GUCY1A1: variants seen among roughly 807,000 people sequenced by gnomAD.
The protein encoded by GUCY1A1 is guanylate cyclase soluble subunit alpha-1.
A neutral mutation model predicts 64.5 loss-of-function variants in GUCY1A1; 48 were observed. That is an observed-to-expected ratio of 0.74 (90% CI 0.59 to 0.95). The LOEUF is 0.95. Among genes scored for constraint, GUCY1A1 ranks in the 40% least tolerant of loss-of-function variants. The pLI is 0.00. For synonymous variants in GUCY1A1, 308 were observed against 303.4 expected, an observed-to-expected ratio of 1.02 and a Z score of -0.16; for missense variants, 804 against 825.3, an observed-to-expected ratio of 0.97 and a Z score of 0.32.
intron 8 of GUCY1A1, among the ~76,000 whole-genome samples, chr4:155,721,077 A>G (rs942977384): frequency 1.9e-4 from 29 of 152,114 alleles, no homozygotes; most frequent in African/African-American, 6.8e-4. Context: ...TCAGCTGGGC[A>G]ACATAGCAAG....
At position 155,736,809 on chromosome 4, in the gene GUCY1A1, A is replaced by T. The variant is rs761630473; in HGVS notation, c.*6578A>T. On this transcript the variant is annotated 3_prime_UTR_variant, in exon 10 of 10. Coordinates refer to ENST00000506455, the MANE Select transcript of GUCY1A1 (RefSeq NM_001130682.3). Reference sequence around the variant, plus strand: ...TTTTTTTTGTTATGTTTAGTAACTAATTTCATTTTTTCTGTATATGTAAAT... The same window carrying T: ...TTTTTTTTGTTATGTTTAGTAACTATTTTCATTTTTTCTGTATATGTAAAT... The T allele has an allele frequency of 2.5e-4, 38 of 151,834 alleles. No homozygotes were observed. The highest frequency in any genetic ancestry group is 4.9e-4 in the Non-Finnish European group (33 of 67,902). 9.4% of individuals were successfully genotyped at this position (151,834 alleles called of 1,614,324 possible).
intron 9 of GUCY1A1, among the ~76,000 whole-genome samples, chr4:155,727,766 A>AT (rs1272630984): frequency 2.0e-5 from 3 of 151,126 alleles, no homozygotes; most frequent in African/African-American, 7.3e-5. Context: ...TTTCTGTTTT[A>AT]TAAAAAAATA....
chr4:155,700,624 G>A (rs72972415), intron 3 of GUCY1A1, among the ~76,000 whole-genome samples: 1 of 152,072 alleles, frequency 6.6e-6, no homozygotes, highest in Non-Finnish European at 1.5e-5. Flanking sequence ...TAATTGTTTA[G>A]TCAAGAGAAA....
chr4:155,733,945 G>T lies in GUCY1A1; in HGVS notation c.*3714G>T, dbSNP rs1579152569. On this transcript the variant is annotated 3_prime_UTR_variant, in exon 10 of 10. Coordinates refer to ENST00000506455, the MANE Select transcript of GUCY1A1 (RefSeq NM_001130682.3). ...ATTTTACCATAAGTATGAGCATAAA[G>T]CTGGGATGTCTGGCATTGGAATTTT... is the stretch of plus-strand genomic sequence containing the variant. 6.6e-6 allele frequency among the ~76,000 whole-genome samples: 1 copy of T among 151,968 alleles called. No homozygotes were observed. The highest frequency in any genetic ancestry group is 1.9e-4 in the East Asian group (1 of 5,134).
At chr4:155,717,039 G>T in intron 7 of GUCY1A1, 120 bp from the exon 8 acceptor site, 1 of 680,368 alleles carries the variant, frequency 1.5e-6, no homozygotes. Context: ...GATTAACCCT[G>T]ATCCTCCAGA....
intron 2 of GUCY1A1, among the ~76,000 whole-genome samples, chr4:155,683,667 AAG>A (rs985084576): frequency 2.0e-5 from 3 of 152,228 alleles, no homozygotes; most frequent in African/African-American, 7.2e-5. Context: ...AATTATGAAA[AAG>A]AGTCTGGGGC....
At position 155,735,801 on chromosome 4, in the gene GUCY1A1, A is replaced by G. The variant is rs1334390976; in HGVS notation, c.*5570A>G. 2.6e-5 allele frequency: 4 copies of G among 151,944 alleles called. No homozygotes were observed. The highest frequency in any genetic ancestry group is 4.4e-5 in the Non-Finnish European group (3 of 67,942). 9.4% of individuals were successfully genotyped at this position (151,944 alleles called of 1,614,324 possible). ...TGGACAGCCCAATGTGTTAAGTATT[A>G]TACACCTGGAACAAGAGCAGCAAAA... On this transcript the variant is annotated 3_prime_UTR_variant, in exon 10 of 10. Coordinates refer to ENST00000506455, the MANE Select transcript of GUCY1A1 (RefSeq NM_001130682.3).
At chr4:155,716,176 T>A (rs917050646) in intron 7 of GUCY1A1, among the ~76,000 whole-genome samples, 5 of 152,038 alleles carry the variant, frequency 3.3e-5, no homozygotes, top group African/African-American at 1.2e-4. Context: ...AAGTCAGAGA[T>A]TAGGAGAAAG....
chr4:155,718,097 T>G (rs932207125), intron 8 of GUCY1A1, among the ~76,000 whole-genome samples: 1 of 152,148 alleles, frequency 6.6e-6, no homozygotes, highest in Non-Finnish European at 1.5e-5. Context: ...AAAGTTAACA[T>G]GGTAGGCATT....
intron 2 of GUCY1A1, among the ~76,000 whole-genome samples, chr4:155,687,308 A>T (rs1371948351): frequency 6.6e-6 from 1 of 152,212 alleles, no homozygotes; most frequent in African/African-American, 2.4e-5. Context: ...GCTCTAGTAG[A>T]AGAAGCATCA....
chr4:155,689,778 C>T (rs1332356858), intron 2 of GUCY1A1, among the ~76,000 whole-genome samples: 1 of 152,106 alleles, frequency 6.6e-6, no homozygotes, highest in Admixed American at 6.6e-5. Flanking sequence ...AAGGCGGTTG[C>T]CACCCGGCGA....
At chr4:155,679,429 G>A (rs1735404590) in intron 2 of GUCY1A1, among the ~76,000 whole-genome samples, 1 of 152,236 alleles carries the variant, frequency 6.6e-6, no homozygotes, top group South Asian at 2.1e-4. Context: ...CTTCTAGTGA[G>A]AGCATGAGGC....
intron 9 of GUCY1A1, 166 bp downstream of exon 9, chr4:155,722,358 T>C (rs1033723112): frequency 7.5e-5 from 107 of 1,419,786 alleles, no homozygotes; most frequent in Middle Eastern, 2.6e-4. Flanking sequence ...TTTACACTGC[T>C]TATTAGCCTC....
intron 9 of GUCY1A1, 178 bp downstream of exon 9, chr4:155,722,370 T>C (rs1294329893): frequency 2.8e-6 from 4 of 1,410,102 alleles, no homozygotes; most frequent in African/African-American, 2.9e-5. Context: ...ATTAGCCTCC[T>C]AAGAATGACT....
intron 2 of GUCY1A1, among the ~76,000 whole-genome samples, chr4:155,690,645 G>C (rs897333460): frequency 6.6e-6 from 1 of 152,054 alleles, no homozygotes; most frequent in Non-Finnish European, 1.5e-5. Context: ...TAGAACATTG[G>C]CTCCCAAGCA....
chr4:155,707,422 G>A (rs540381851), intron 4 of GUCY1A1, among the ~76,000 whole-genome samples: 3 of 152,340 alleles, frequency 2.0e-5, no homozygotes, highest in Admixed American at 1.3e-4. Context: ...ACAGTGCACT[G>A]TAGAGTACCG....
At chr4:155,684,501 C>T (rs1208169775) in intron 2 of GUCY1A1, among the ~76,000 whole-genome samples, 3 of 152,110 alleles carry the variant, frequency 2.0e-5, no homozygotes, top group Admixed American at 6.6e-5. Context: ...TACTGCTGGT[C>T]AGAAAACTAG....
chr4:155,712,859 C>A (rs1237364624), intron 6 of GUCY1A1, among the ~76,000 whole-genome samples: 1 of 152,170 alleles, frequency 6.6e-6, no homozygotes, highest in African/African-American at 2.4e-5. Flanking sequence ...GAAGCAAGAG[C>A]GTTTTGCATT....
Position 155,732,328 on chromosome 4 carries a change from T to TA in GUCY1A1, c.*2103dup, listed in dbSNP as rs1048632361. 9.9e-5 allele frequency: 15 copies of TA among 151,820 alleles called. No homozygotes were observed. Among genetic ancestry groups the TA allele is most frequent in the Admixed American group, 5.9e-4 (9 of 15,190 alleles). 9.4% of individuals were successfully genotyped at this position (151,820 alleles called of 1,614,324 possible). A position where few individuals can be genotyped will look rare whatever the true frequency, so the allele number is the denominator to read the frequency against. On this transcript the variant is annotated 3_prime_UTR_variant, in exon 10 of 10. Coordinates refer to ENST00000506455, the MANE Select transcript of GUCY1A1 (RefSeq NM_001130682.3). ...CTATAAACGTGGCATTATATCTAAA[T>TA]AAAAAATTACCAAAAAACATATTTT...
Sources: allele counts gnomAD v4.1 joint callset (sites outside exome capture counted in the v4.1 genomes callset), GRCh38; gene constraint gnomAD v4.1.1; transcripts MANE v1.5; gene names NCBI Gene and HGNC (gene_info 2026-07-23, HGNC 2026-07-21).